Variants in STOX2 observed in about 807,000 individuals in gnomAD.
STOX2 encodes the protein storkhead box 2.
Under a neutral mutation model 60.9 loss-of-function variants are expected in STOX2, and 28 were observed. The ratio of observed to expected loss-of-function variants is 0.46; its 90% CI spans 0.34 to 0.63. The LOEUF is 0.63. Among genes scored for constraint, STOX2 ranks in the 30% least tolerant of loss-of-function variants. STOX2 has a pLI of 0.01. For missense variants in STOX2, 1,024 were observed against 1,187.7 expected, an observed-to-expected ratio of 0.86 and a Z score of 2.03; for synonymous variants, 472 against 463.9, an observed-to-expected ratio of 1.02 and a Z score of -0.22.
At chr4:183,870,539 A>G (rs1740665751) in intron 1 of STOX2, among the ~76,000 whole-genome samples, 2 of 152,250 alleles carry the variant, frequency 1.3e-5, no homozygotes, top group South Asian at 4.1e-4. Context: ...GGGACAATGC[A>G]TTCTACAAAT....
At chr4:183,880,064 C>T (rs1402345792) in intron 1 of STOX2, among the ~76,000 whole-genome samples, 5 of 152,234 alleles carry the variant, frequency 3.3e-5, no homozygotes, top group South Asian at 2.1e-4. Flanking sequence ...CTGCAACCTC[C>T]GCTTCCCGGG....
At chr4:183,901,561 TAA>T (rs1741460104), upstream of STOX2, among the ~76,000 whole-genome samples, 1 of 151,902 alleles carries the variant, frequency 6.6e-6, no homozygotes, top group Non-Finnish European at 1.5e-5. Context: ...TTTCTCCACA[TAA>T]TTGCCAATGT....
chr4:183,798,170 C>G, intron 1 of STOX2: 1 of 1,035,792 alleles, frequency 9.7e-7, no homozygotes, highest in Non-Finnish European at 1.2e-6. Flanking sequence ...CCGAGGCTCC[C>G]CTGGGTGCCC....
intron 1 of STOX2, among the ~76,000 whole-genome samples, chr4:183,826,924 A>G (rs1223168706): frequency 3.3e-5 from 5 of 152,246 alleles, no homozygotes; most frequent in Admixed American, 3.3e-4. Flanking sequence ...GGTAATGGTA[A>G]TAATAGTAAT....
intron 1 of STOX2, among the ~76,000 whole-genome samples, chr4:183,801,068 A>G (rs1190837658): frequency 1.3e-5 from 2 of 152,230 alleles, no homozygotes; most frequent in African/African-American, 4.8e-5. Flanking sequence ...GGTGCCTGTA[A>G]TTCCAAAAGT....
Position 183,930,927 on chromosome 4 carries a change from T to C in STOX2, c.166+23971T>C, listed in dbSNP as rs149489009. Reference sequence around the variant, plus strand: ...CAAAGAGGCTGAGCATAAGCCATACTGGTTAAAATAGAAATTTCTATTGGG... The same window carrying C: ...CAAAGAGGCTGAGCATAAGCCATACCGGTTAAAATAGAAATTTCTATTGGG... On this transcript the variant is annotated intron_variant, in intron 1 of 3. Transcript: ENST00000308497. 3.7e-3 allele frequency among the ~76,000 whole-genome samples: 559 copies of C among 152,316 alleles called. 15 individuals are homozygous for C. The highest frequency in any genetic ancestry group is 0.025 in the Admixed American group (381 of 15,292).
intron 2 of STOX2, among the ~76,000 whole-genome samples, chr4:184,002,732 G>A (rs1354988370): frequency 6.6e-6 from 1 of 152,208 alleles, no homozygotes; most frequent in African/African-American, 2.4e-5. Context: ...AAGTCAAGGT[G>A]TGGGGAAGTG....
At chr4:183,978,656 A>G (rs1165583276) in intron 1 of STOX2, among the ~76,000 whole-genome samples, 2 of 152,244 alleles carry the variant, frequency 1.3e-5, no homozygotes, top group Non-Finnish European at 2.9e-5. Flanking sequence ...AGTACTTGCA[A>G]CAGCATGGAT....
intron 1 of STOX2, among the ~76,000 whole-genome samples, chr4:183,978,022 C>T (rs748089112): frequency 7.9e-5 from 12 of 152,174 alleles, no homozygotes; most frequent in Admixed American, 2.6e-4. Flanking sequence ...GCATAGTTTG[C>T]AAATATTTTC....
upstream of STOX2, among the ~76,000 whole-genome samples, chr4:183,902,604 G>T (rs1432724831): frequency 6.6e-6 from 1 of 152,172 alleles, no homozygotes; most frequent in East Asian, 1.9e-4. Context: ...GGTTGTATAT[G>T]ACCAGAGTGA....
At chr4:183,986,214 T>C (rs1244348701) in intron 1 of STOX2, among the ~76,000 whole-genome samples, 1 of 152,190 alleles carries the variant, frequency 6.6e-6, no homozygotes, top group Non-Finnish European at 1.5e-5. Flanking sequence ...TATCCAAACA[T>C]GTATGTTTTC....
In STOX2 at chr4:184,011,068, C is replaced by T. The variant is rs746521674; in HGVS notation, c.2230C>T (p.Pro744Ser). ...TLPGRCEKLEPSLGTSAAQAM... is the reference protein window; with the variant it reads ...TLPGRCEKLESSLGTSAAQAM... Reference sequence around the variant, plus strand: ...GCCAGGCCGATGTGAGAAACTGGAACCGTCCCTGGGGACCTCGGCGGCACA... The same window carrying T: ...GCCAGGCCGATGTGAGAAACTGGAATCGTCCCTGGGGACCTCGGCGGCACA... Residue 744 changes from proline (P) to serine (S), a missense_variant, in exon 3 of 4, where the codon CCG (proline) becomes TCG (serine). This residue lies in a region of STOX2 where 922 missense variants were observed against 1,058.3 expected (regional missense o/e 0.87). Transcript: ENST00000308497. This position sits in a 1 kb window ranked among gnomAD's most constrained non-coding sequence, Gnocchi z 4.4. 3 of 1,609,446 alleles carry T rather than the reference C, an allele frequency of 1.9e-6. No individual in the cohort carries two copies. In the East Asian group the frequency reaches 6.7e-5, roughly 36 times the overall value.
rs66511946 is a variant in STOX2, at chr4:184,011,782, A to G, written c.2585+359A>G. Reference sequence around the variant, plus strand: ...CTTCAAAAATAGTAACTTTTTGAGTAGAATAAATAGTCTGGGGGCGGGGGA... The same window carrying G: ...CTTCAAAAATAGTAACTTTTTGAGTGGAATAAATAGTCTGGGGGCGGGGGA... On this transcript the variant is annotated intron_variant, in intron 3 of 3. Transcript: ENST00000308497. This position sits in a 1 kb window ranked among gnomAD's most constrained non-coding sequence, Gnocchi z 4.4. 0.32 allele frequency: 125,971 copies of G among 398,430 alleles called. 23,898 individuals carry two copies. Among genetic ancestry groups the G allele is most frequent in the South Asian group, 0.37 (16,320 of 44,362 alleles). The allele number at this position is 398,430 out of a possible 1,614,324, so 24.7% of individuals were successfully genotyped here.
rs1010667959 is a variant in STOX2, at chr4:184,007,038, CA to C, written c.320-2110del. On this transcript the variant is annotated intron_variant, in intron 2 of 3. Transcript: ENST00000308497. ...CTCAAAAAAAAAAAAAAAAACAAAA[CA>C]AAAAAAAAATTTTGTTATTATTGGT... Among the ~76,000 whole-genome samples the C allele has an allele frequency of 4.8e-4, 30 of 62,618 alleles. 1 individual carries two copies. Among genetic ancestry groups the C allele is most frequent in the Admixed American group, 2.0e-3 (11 of 5,536 alleles). The allele number at this position is 62,618 out of a possible 152,430, so 41.1% of individuals were successfully genotyped here.
At chr4:183,894,053 G>T (rs541497549) in intron 1 of STOX2, among the ~76,000 whole-genome samples, 3 of 152,342 alleles carry the variant, frequency 2.0e-5, no homozygotes, top group South Asian at 2.1e-4. Context: ...TTAGGAGGCT[G>T]AGGCACGAGG....
chr4:183,973,456 A>T (rs1426398804), intron 1 of STOX2, among the ~76,000 whole-genome samples: 1 of 152,214 alleles, frequency 6.6e-6, no homozygotes, highest in Non-Finnish European at 1.5e-5. Context: ...TAGAAACCAC[A>T]AAGGCCAAAG....
intron 1 of STOX2, among the ~76,000 whole-genome samples, chr4:183,957,173 A>ATAATAG (rs1743275049): frequency 6.7e-6 from 1 of 149,436 alleles, no homozygotes; most frequent in Non-Finnish European, 1.5e-5. Context: ...AATAATAATA[A>ATAATAG]TAATAATAAT....
chr4:183,922,198 T>C (rs1742120434), intron 1 of STOX2, among the ~76,000 whole-genome samples: 1 of 152,156 alleles, frequency 6.6e-6, no homozygotes, highest in African/African-American at 2.4e-5. Flanking sequence ...AATTCGCTGT[T>C]CCCTGGTGCT....
chr4:184,005,400 G>A (rs972356139), intron 2 of STOX2, among the ~76,000 whole-genome samples: 2 of 140,030 alleles, frequency 1.4e-5, no homozygotes, highest in Non-Finnish European at 3.0e-5. Context: ...GGAGGTTTCA[G>A]TGAGCCAAGA....
Sources: gnomAD v4.1 joint callset for allele counts (sites outside exome capture counted in the v4.1 genomes callset) on GRCh38, gnomAD v4.1.1 for gene constraint, gnomAD v4.1.1 regional missense constraint, Gnocchi (gnomAD v3.1) non-coding constraint, MANE v1.5 for transcripts, NCBI Gene and HGNC (gene_info 2026-07-23, HGNC 2026-07-21) for gene names.